Variants in IAH1 observed in about 807,000 individuals in gnomAD.
The protein encoded by IAH1 is isoamyl acetate hydrolyzing esterase 1 (putative).
IAH1 carries 24 observed loss-of-function variants against 26.7 expected under a neutral mutation model. That is an observed-to-expected ratio of 0.90 (90% CI 0.65 to 1.26). The LOEUF (loss-of-function observed/expected upper bound fraction) is 1.26, where lower values mean the gene tolerates loss of function less well. IAH1 is among the 50% of genes most tolerant of loss of function. The pLI is 0.00. For synonymous variants in IAH1, 140 were observed against 118.5 expected, an observed-to-expected ratio of 1.18 and a Z score of -1.18; for missense variants, 300 against 299.9, an observed-to-expected ratio of 1.00 and a Z score of 0.00.
downstream of IAH1, chr2:9,494,665 G>A (rs758683558): frequency 1.4e-5 from 23 of 1,614,012 alleles, no homozygotes; most frequent in Non-Finnish European, 1.9e-5. Context: ...TACTGTACAG[G>A]GCTTTCCTTT....
chr2:9,486,187 C>T (rs1661467316), intron 5 of IAH1: 1 of 152,170 alleles, frequency 6.6e-6, no homozygotes, highest in Non-Finnish European at 1.5e-5. Context: ...ACGTGGATGC[C>T]GAGTCACCAG....
downstream of IAH1, chr2:9,493,065 A>G: frequency 8.4e-7 from 1 of 1,187,252 alleles, no homozygotes; most frequent in Non-Finnish European, 1.2e-6. Flanking sequence ...GGATATTACC[A>G]TTGTGTCAAA....
the IAH1 span, among the ~76,000 whole-genome samples, chr2:9,507,461 C>T: frequency 1.3e-5 from 2 of 152,048 alleles, no homozygotes; most frequent in African/African-American, 4.8e-5. Flanking sequence ...GAGATCACAC[C>T]ACTGCACTCC....
chr2:9,485,882 A>G (rs773040331), intron 5 of IAH1: 1 of 152,216 alleles, frequency 6.6e-6, no homozygotes, highest in Non-Finnish European at 1.5e-5. Context: ...TCCAGAGAGA[A>G]AGCTTGGACG....
downstream of IAH1, chr2:9,493,688 CTAA>C: frequency 1.4e-6 from 2 of 1,455,674 alleles, no homozygotes; most frequent in Non-Finnish European, 1.9e-6. Flanking sequence ...GCACACTTTT[CTAA>C]TGTCATCACA....
chr2:9,511,161 C>A, the IAH1 span, among the ~76,000 whole-genome samples: 6 of 151,976 alleles, frequency 3.9e-5, no homozygotes, highest in East Asian at 9.7e-4. Flanking sequence ...GTAAAAAAAA[C>A]AGTACGGATA....
chr2:9,473,975 G>C (rs1013236682), upstream of IAH1: 4 of 152,086 alleles, frequency 2.6e-5, no homozygotes, highest in African/African-American at 7.2e-5. Flanking sequence ...TGTCCGCGGG[G>C]TTCTGCATCT....
At chr2:9,490,912 C>G (rs558812102), downstream of IAH1, among the ~76,000 whole-genome samples, 1 of 152,280 alleles carries the variant, frequency 6.6e-6, no homozygotes, top group South Asian at 2.1e-4. Flanking sequence ...TTTAAATGTC[C>G]ATCCATGCAA....
chr2:9,508,140 T>A, the IAH1 span, among the ~76,000 whole-genome samples: 1 of 152,170 alleles, frequency 6.6e-6, no homozygotes, highest in Non-Finnish European at 1.5e-5. Flanking sequence ...ACTATCCTCA[T>A]AACCAAGAAG....
chr2:9,476,096 G>A (rs1660772821), intron 2 of IAH1, 57 bp downstream of exon 2: 1 of 1,422,368 alleles, frequency 7.0e-7, no homozygotes, highest in East Asian at 2.3e-5. Flanking sequence ...TTAGGGATCC[G>A]TCTTATGGAT....
At chr2:9,492,426 A>T (rs1302405378), downstream of IAH1, among the ~76,000 whole-genome samples, 1 of 152,154 alleles carries the variant, frequency 6.6e-6, no homozygotes, top group East Asian at 1.9e-4. Flanking sequence ...AGATGTAAAT[A>T]CTCTATATGA....
At chr2:9,482,627 G>T (rs940891593) in intron 4 of IAH1, among the ~76,000 whole-genome samples, 9 of 152,182 alleles carry the variant, frequency 5.9e-5, no homozygotes, top group African/African-American at 2.2e-4. Flanking sequence ...ATCAAATCCA[G>T]CAAGTGTGAC....
chr2:9,502,377 A>G, the IAH1 span: 1 of 1,021,518 alleles, frequency 9.8e-7, no homozygotes. Context: ...ATCACCGGGG[A>G]AGACCTCCTG....
chr2:9,491,187 A>C, downstream of IAH1: 8 of 1,587,166 alleles, frequency 5.0e-6, no homozygotes, highest in Non-Finnish European at 6.9e-6. Context: ...TTCCCTACAA[A>C]TACAATTCAG....
chr2:9,499,459 T>C (rs75185948), downstream of IAH1, among the ~76,000 whole-genome samples: 2 of 152,012 alleles, frequency 1.3e-5, no homozygotes, highest in African/African-American at 4.8e-5. Flanking sequence ...TGGAGTGCAG[T>C]GGCGTGATCT....
intron 4 of IAH1, among the ~76,000 whole-genome samples, chr2:9,483,920 T>C (rs1463022722): frequency 6.6e-6 from 1 of 152,176 alleles, no homozygotes; most frequent in Admixed American, 6.5e-5. Context: ...CGCTATTTAG[T>C]GAAAATTGTA....
At chr2:9,505,273 C>T in the IAH1 span, 1 of 1,614,168 alleles carries the variant, frequency 6.2e-7, no homozygotes, top group Non-Finnish European at 8.5e-7. Flanking sequence ...CCCTCGAGTT[C>T]CCACAAACTT....
At chr2:9,495,591 G>A (rs1288282556) in intron 6 of IAH1, among the ~76,000 whole-genome samples, 3 of 151,894 alleles carry the variant, frequency 2.0e-5, no homozygotes, top group African/African-American at 4.8e-5. Context: ...GTGCTTGCCT[G>A]TAGTCCCAGC....
chr2:9,481,775 G>C (rs566331622), intron 4 of IAH1, among the ~76,000 whole-genome samples: 65 of 146,394 alleles, frequency 4.4e-4, no homozygotes, highest in African/African-American at 1.5e-3. Flanking sequence ...GGCCTGCGGG[G>C]GCTGATGCTG....
Sources: allele counts gnomAD v4.1 joint callset (sites outside exome capture counted in the v4.1 genomes callset), GRCh38; gene constraint gnomAD v4.1.1; transcripts MANE v1.5; gene names NCBI Gene and HGNC (gene_info 2026-07-23, HGNC 2026-07-21).